The following LDLRAD4 variants were observed in gnomAD, a reference collection of about 807,000 sequenced individuals.
LDLRAD4 encodes low-density lipoprotein receptor class A domain-containing protein 4.
LDLRAD4 carries 5 observed loss-of-function variants against 17.0 expected under a neutral mutation model. The ratio of observed to expected loss-of-function variants is 0.29; its 90% CI spans 0.15 to 0.62. The LOEUF is 0.62. Among genes scored for constraint, LDLRAD4 ranks in the 20% least tolerant of loss-of-function variants. The pLI, the probability that LDLRAD4 is intolerant of heterozygous loss-of-function variation, is 0.84. For synonymous variants in LDLRAD4, 168 were observed against 171.8 expected, an observed-to-expected ratio of 0.98 and a Z score of 0.17; for missense variants, 340 against 424.7, an observed-to-expected ratio of 0.80 and a Z score of 1.75.
At chr18:13,496,966 C>T (rs2093482128) in intron 3 of LDLRAD4, among the ~76,000 whole-genome samples, 2 of 152,182 alleles carry the variant, frequency 1.3e-5, no homozygotes, top group Non-Finnish European at 2.9e-5. Flanking sequence ...CATGACCTTT[C>T]ATTAGCTTAA....
At chr18:13,320,026 A>T (rs2081134600) in intron 1 of LDLRAD4, among the ~76,000 whole-genome samples, 1 of 152,256 alleles carries the variant, frequency 6.6e-6, no homozygotes, top group African/African-American at 2.4e-5. Flanking sequence ...AGTATAAAAA[A>T]TTATGTTTTG....
chr18:13,456,436 C>A lies in LDLRAD4; in HGVS notation c.181+18052C>A, dbSNP rs779846077. Reference sequence around the variant, plus strand: ...AGGGCGTGCGTCACGCTATCCAGGCCCTCTCCACGCCTCAGTGGCCAGTTG... The same window carrying A: ...AGGGCGTGCGTCACGCTATCCAGGCACTCTCCACGCCTCAGTGGCCAGTTG... On this transcript the variant is annotated intron_variant, in intron 3 of 5. Transcript: ENST00000359446. 4.6e-5 allele frequency among the ~76,000 whole-genome samples: 7 copies of A among 152,208 alleles called. No homozygotes were observed. In the East Asian group the frequency reaches 1.3e-3, roughly 29 times the overall value.
rs538327962 is a variant in LDLRAD4 at position 13,468,563 on chromosome 18, C to T, written c.181+30179C>T. Among the ~76,000 whole-genome samples the T allele has an allele frequency of 6.8e-4, 103 of 152,054 alleles. 2 individuals are homozygous for T. Among genetic ancestry groups the T allele is most frequent in the African/African-American group, 2.3e-3 (97 of 41,466 alleles). On this transcript the variant is annotated intron_variant, in intron 3 of 5. Transcript: ENST00000359446. ...GACACATGCACATGTATGTTTATTGCGGCACTATTCACAATAGCAAAGACT... is the reference window on the plus strand; with the variant it reads ...GACACATGCACATGTATGTTTATTGTGGCACTATTCACAATAGCAAAGACT...
intron 2 of LDLRAD4, among the ~76,000 whole-genome samples, chr18:13,410,103 T>G (rs535467202): frequency 2.0e-5 from 3 of 152,168 alleles, no homozygotes; most frequent in Non-Finnish European, 2.9e-5. Context: ...AAGGACGTTC[T>G]GCAAAACACT....
intron 3 of LDLRAD4, chr18:13,489,729 C>T (rs890321686): frequency 6.6e-6 from 1 of 152,130 alleles, no homozygotes; most frequent in African/African-American, 2.4e-5. Flanking sequence ...GTCACAGAAT[C>T]GTGACACAGC....
intron 1 of LDLRAD4, among the ~76,000 whole-genome samples, chr18:13,375,006 G>C (rs963729611): frequency 6.6e-6 from 1 of 152,190 alleles, no homozygotes; most frequent in Admixed American, 6.5e-5. Context: ...AACAGATTGC[G>C]GGAACACTGG....
chr18:13,336,176 A>C (rs1238473796), intron 1 of LDLRAD4, among the ~76,000 whole-genome samples: 1 of 152,242 alleles, frequency 6.6e-6, no homozygotes, highest in Non-Finnish European at 1.5e-5. Flanking sequence ...TAGGGAGGGC[A>C]TTAATCTATT....
At chr18:13,462,971 A>G (rs1274849212) in intron 3 of LDLRAD4, among the ~76,000 whole-genome samples, 1 of 152,172 alleles carries the variant, frequency 6.6e-6, no homozygotes, top group African/African-American at 2.4e-5. Flanking sequence ...TCTCTAGGGC[A>G]AGCTGAAGGC....
Position 13,621,312 on chromosome 18 carries a change from G to T in LDLRAD4, c.336+41G>T. 4 of 1,529,180 alleles carry T rather than the reference G, an allele frequency of 2.6e-6. No homozygotes were observed. Among genetic ancestry groups the T allele is most frequent in the Non-Finnish European group, 3.6e-6 (4 of 1,110,860 alleles). The allele number at this position is 1,529,180 out of a possible 1,614,324, so 94.7% of individuals were successfully genotyped here. ...GCCCCGGCTCCAGAGTCAGGCAGCTGCAAGAGGCTTAGGAGCCCATCAGGG... is the reference window on the plus strand; with the variant it reads ...GCCCCGGCTCCAGAGTCAGGCAGCTTCAAGAGGCTTAGGAGCCCATCAGGG... On this transcript the variant is annotated intron_variant, in intron 4 of 5. Coordinates refer to ENST00000359446, the Ensembl canonical transcript of LDLRAD4. The surrounding 1 kb of genome is among the most constrained non-coding windows in gnomAD (Gnocchi z 5.5).
intron 3 of LDLRAD4, among the ~76,000 whole-genome samples, chr18:13,524,256 A>G (rs375203717): frequency 6.6e-6 from 1 of 152,232 alleles, no homozygotes; most frequent in Non-Finnish European, 1.5e-5. Context: ...CTTTACTTTG[A>G]AAAAACACAC....
At chr18:13,511,843 T>A (rs4121594) in intron 3 of LDLRAD4, among the ~76,000 whole-genome samples, 4 of 152,142 alleles carry the variant, frequency 2.6e-5, no homozygotes, top group Admixed American at 6.5e-5. Flanking sequence ...GACCTTGGCC[T>A]CCTCTCTGTT....
In LDLRAD4 at chr18:13,537,093, A is replaced by G. The variant is rs192244781; in HGVS notation, c.182-84024A>G. 2.2e-3 allele frequency among the ~76,000 whole-genome samples: 336 copies of G among 152,290 alleles called. 2 individuals are homozygous for G. Among genetic ancestry groups the G allele is most frequent in the Non-Finnish European group, 3.3e-3 (224 of 68,020 alleles). On this transcript the variant is annotated intron_variant, in intron 3 of 5. Transcript: ENST00000359446. ...ATTGGTCTGTTGTCTTCTCTTTCTT[A>G]TGATATGTTTATCTGGTTTGGTATC... is the stretch of plus-strand genomic sequence containing the variant.
chr18:13,340,169 T>C (rs1267192239), intron 1 of LDLRAD4, among the ~76,000 whole-genome samples: 2 of 152,236 alleles, frequency 1.3e-5, no homozygotes, highest in African/African-American at 2.4e-5. Context: ...CCTTCATCCA[T>C]TGATGAACAC....
At chr18:13,581,263 G>A (rs1004985487) in intron 3 of LDLRAD4, among the ~76,000 whole-genome samples, 8 of 152,300 alleles carry the variant, frequency 5.3e-5, no homozygotes, top group African/African-American at 1.9e-4. Context: ...CTCTCAAAAA[G>A]TTCGGGACTT....
At chr18:13,527,803 C>A (rs2094057067) in intron 3 of LDLRAD4, among the ~76,000 whole-genome samples, 1 of 152,180 alleles carries the variant, frequency 6.6e-6, no homozygotes, top group South Asian at 2.1e-4. Context: ...GCCTGAGTCC[C>A]AGGAGGCCAC....
At chr18:13,229,949 A>G (rs947506079) in intron 1 of LDLRAD4, among the ~76,000 whole-genome samples, 1 of 152,214 alleles carries the variant, frequency 6.6e-6, no homozygotes, top group African/African-American at 2.4e-5. Flanking sequence ...GGGAGACTTC[A>G]TGGAGGAGGC....
intron 1 of LDLRAD4, among the ~76,000 whole-genome samples, chr18:13,338,657 G>A (rs570312876): frequency 6.6e-6 from 1 of 152,322 alleles, no homozygotes; most frequent in African/African-American, 2.4e-5. Flanking sequence ...AATCACTGGT[G>A]GTGGCCCTCT....
intron 1 of LDLRAD4, among the ~76,000 whole-genome samples, chr18:13,314,699 G>A (rs1041951147): frequency 6.6e-6 from 1 of 152,324 alleles, no homozygotes; most frequent in African/African-American, 2.4e-5. Context: ...ACCATGCATG[G>A]AGCTTGTGGC....
chr18:13,511,267 G>A (rs1036145922), intron 3 of LDLRAD4, among the ~76,000 whole-genome samples: 2 of 152,182 alleles, frequency 1.3e-5, no homozygotes. Flanking sequence ...GGGCACAGTG[G>A]CTCACTCCTG....
Sources: gnomAD v4.1 joint callset for allele counts (sites outside exome capture counted in the v4.1 genomes callset) on GRCh38, gnomAD v4.1.1 for gene constraint, Gnocchi (gnomAD v3.1) non-coding constraint, MANE v1.5 for transcripts, NCBI Gene and HGNC (gene_info 2026-07-23, HGNC 2026-07-21) for gene names.